Variants in KIF21A observed in about 807,000 individuals in gnomAD.
KIF21A encodes the protein kinesin-like protein KIF21A.
A neutral mutation model predicts 202.9 loss-of-function variants in KIF21A; 114 were observed. The ratio of observed to expected loss-of-function variants is 0.56; its 90% CI spans 0.48 to 0.66. The LOEUF (loss-of-function observed/expected upper bound fraction) is 0.66. Ranked by LOEUF, KIF21A falls within the 30% of genes least tolerant of loss-of-function variation. The pLI, the probability that KIF21A is intolerant of heterozygous loss-of-function variation, is 0.00. For synonymous variants in KIF21A, 667 were observed against 670.8 expected (o/e 0.99, Z 0.09); for missense variants, 1,677 against 1,994.9 (o/e 0.84, Z 3.04).
At chr12:39,365,476 T>A (rs1043371913) in intron 6 of KIF21A, among the ~76,000 whole-genome samples, 1 of 152,254 alleles carries the variant, frequency 6.6e-6, no homozygotes, top group Non-Finnish European at 1.5e-5. Flanking sequence ...AAAACTTTGC[T>A]CTAAAATATT....
chr12:39,347,914 T>A (rs1301473061), intron 11 of KIF21A, among the ~76,000 whole-genome samples: 1 of 150,870 alleles, frequency 6.6e-6, no homozygotes, highest in Non-Finnish European at 1.5e-5. Flanking sequence ...CTCGTCCACA[T>A]ACACAAAAAA....
At chr12:39,365,745 C>A (rs531308439) in intron 6 of KIF21A, among the ~76,000 whole-genome samples, 71 of 152,336 alleles carry the variant, frequency 4.7e-4, no homozygotes, top group African/African-American at 1.7e-3. Flanking sequence ...CGCAGTGGCT[C>A]GCGCCTGTAA....
chr12:39,305,477 G>T (rs917460459), intron 34 of KIF21A, among the ~76,000 whole-genome samples: 1 of 151,608 alleles, frequency 6.6e-6, no homozygotes, highest in Non-Finnish European at 1.5e-5. Flanking sequence ...TCAATCTCCT[G>T]GCCTCAAGCA....
At chr12:39,329,484 A>C (rs948634476) in intron 24 of KIF21A, among the ~76,000 whole-genome samples, 2 of 152,098 alleles carry the variant, frequency 1.3e-5, no homozygotes, top group African/African-American at 4.8e-5. Context: ...AAGGGGGAGA[A>C]AGATAAAGAA....
chr12:39,346,415 A>C, intron 12 of KIF21A, 51 bp downstream of exon 12: 1 of 1,319,710 alleles, frequency 7.6e-7, no homozygotes, highest in Non-Finnish European at 1.0e-6. Context: ...TGTGAATGGC[A>C]ACTAAGTATT....
intron 1 of KIF21A, among the ~76,000 whole-genome samples, chr12:39,398,827 C>T (rs896012250): frequency 6.6e-6 from 1 of 152,052 alleles, no homozygotes; most frequent in African/African-American, 2.4e-5. Context: ...CCCTCTATAT[C>T]CCCAGGTTCC....
Position 39,442,838 on chromosome 12 carries a change from C to T in KIF21A, c.44+89G>A, listed in dbSNP as rs1324209502. 60 of 1,473,344 alleles carry T rather than the reference C, an allele frequency of 4.1e-5. No individual in the cohort carries two copies. The highest frequency in any genetic ancestry group is 4.5e-5 in the Non-Finnish European group (49 of 1,101,078). 91.3% of individuals were successfully genotyped at this position (1,473,344 alleles called of 1,614,324 possible). A position where few individuals can be genotyped will look rare whatever the true frequency, so the allele number is the denominator to read the frequency against. ...CGGGACGCCCCTCAGGTCGCTCCAC[C>T]CCGGTAGCCGGTGCTCCGCGCCACA... On this transcript the variant is annotated intron_variant, in intron 1 of 37. Transcript: ENST00000361418. The surrounding 1 kb of genome is among the most constrained non-coding windows in gnomAD (Gnocchi z 5.0).
At chr12:39,299,691 G>A (rs1942778831) in intron 37 of KIF21A, among the ~76,000 whole-genome samples, 1 of 152,072 alleles carries the variant, frequency 6.6e-6, no homozygotes, top group Non-Finnish European at 1.5e-5. Context: ...GCAAAGACAT[G>A]GAATCAACCT....
At chr12:39,341,418 A>G (rs924922953) in intron 14 of KIF21A, 87 bp downstream of exon 14, 1 of 1,316,458 alleles carries the variant, frequency 7.6e-7, no homozygotes, top group South Asian at 1.2e-5. Flanking sequence ...TTCATCAAGT[A>G]TGAAATAGAG....
chr12:39,432,473 C>T (rs930554490), intron 1 of KIF21A, among the ~76,000 whole-genome samples: 4 of 152,080 alleles, frequency 2.6e-5, no homozygotes, highest in African/African-American at 9.7e-5. Context: ...AATGCCCTTA[C>T]TAAACAATAA....
At chr12:39,374,037 T>C (rs1592403378) in intron 1 of KIF21A, among the ~76,000 whole-genome samples, 1 of 152,322 alleles carries the variant, frequency 6.6e-6, no homozygotes, top group East Asian at 1.9e-4. Flanking sequence ...AAGCTGACTA[T>C]ACTTCAAAGA....
At chr12:39,319,594 C>A (rs1944975217) in intron 28 of KIF21A, among the ~76,000 whole-genome samples, 1 of 152,032 alleles carries the variant, frequency 6.6e-6, no homozygotes, top group Non-Finnish European at 1.5e-5. Flanking sequence ...AGAAGACTAT[C>A]TGAAATATAG....
At chr12:39,308,840 GAAT>G (rs574898631) in intron 33 of KIF21A, among the ~76,000 whole-genome samples, 45 of 152,078 alleles carry the variant, frequency 3.0e-4, no homozygotes, top group African/African-American at 1.1e-3. Context: ...TCAGTAAAAA[GAAT>G]AATAAAGTAG....
intron 1 of KIF21A, among the ~76,000 whole-genome samples, chr12:39,416,689 A>ATATATATGTACATATATGTGTG (rs1566266737): frequency 7.4e-5 from 7 of 94,738 alleles, no homozygotes; most frequent in African/African-American, 2.9e-4. Flanking sequence ...ATATGTGTGT[A>ATATATATGTACATATATGTGTG]TATATATATG....
rs1946523260 is a variant in KIF21A at position 39,331,730 on chromosome 12, C to T, written c.3113G>A (p.Arg1038Gln). 3.1e-6 allele frequency: 5 copies of T among 1,613,406 alleles called. No individual in the cohort carries two copies. In the African/African-American group the frequency reaches 5.3e-5, roughly 17 times the overall value. ...VINACTLTEA[R>Q]YLLDHFLSMG... ...TGACAGGAAGTGATCTAGCAGGTAT[C>T]GGGCTTCTGTAAGGGTGCAGGCATT... is the stretch of plus-strand genomic sequence containing the variant. Residue 1038 changes from arginine to glutamine, a missense_variant, in exon 22 of 38, where the codon CGA (arginine) becomes CAA (glutamine). Transcript: ENST00000361418.
At chr12:39,298,472 G>A (rs573044108) in intron 37 of KIF21A, among the ~76,000 whole-genome samples, 5 of 151,956 alleles carry the variant, frequency 3.3e-5, no homozygotes, top group Admixed American at 1.3e-4. Context: ...ATTTCTGACC[G>A]GTATAGTAGA....
chr12:39,297,778 A>C (rs2137042424), intron 37 of KIF21A, among the ~76,000 whole-genome samples: 1 of 151,652 alleles, frequency 6.6e-6, no homozygotes, highest in South Asian at 2.1e-4. Flanking sequence ...ATGAAACCAA[A>C]ATCAAAATAA....
chr12:39,420,345 T>A (rs1954151281), intron 1 of KIF21A, among the ~76,000 whole-genome samples: 1 of 151,650 alleles, frequency 6.6e-6, no homozygotes, highest in Non-Finnish European at 1.5e-5. Flanking sequence ...AGACAGAGAG[T>A]AGAACTCTCA....
intron 37 of KIF21A, among the ~76,000 whole-genome samples, chr12:39,295,692 GTTTTTTTT>G (rs1054983568): frequency 1.2e-4 from 9 of 78,130 alleles, no homozygotes; most frequent in East Asian, 4.8e-4. Flanking sequence ...CTTGGGATAT[GTTTTTTTT>G]TTTTTTTTTT....
Sources: allele counts gnomAD v4.1 joint callset (sites outside exome capture counted in the v4.1 genomes callset), GRCh38; gene constraint gnomAD v4.1.1; non-coding constraint Gnocchi (gnomAD v3.1); transcripts MANE v1.5; gene names NCBI Gene and HGNC (gene_info 2026-07-23, HGNC 2026-07-21).